The following NRG2 variants were observed in gnomAD, a reference collection of about 807,000 sequenced individuals.
NRG2 encodes the protein neuregulin 2, also known as pro-neuregulin-2, membrane-bound isoform.
In NRG2, 27 loss-of-function variants were observed where a neutral mutation model predicts 73.9. The ratio of observed to expected loss-of-function variants is 0.37; its 90% CI spans 0.27 to 0.50. The LOEUF is 0.50. NRG2 is among the 20% of genes least tolerant of loss of function. The pLI, the probability that NRG2 is intolerant of heterozygous loss-of-function variation, is 0.96. For missense variants in NRG2, 1,126 were observed against 1,210.1 expected, an observed-to-expected ratio of 0.93 and a Z score of 1.03; for synonymous variants, 532 against 541.0, an observed-to-expected ratio of 0.98 and a Z score of 0.23.
intron 1 of NRG2, among the ~76,000 whole-genome samples, chr5:139,964,403 C>T (rs1181441873): frequency 6.8e-6 from 1 of 146,502 alleles, no homozygotes; most frequent in Non-Finnish European, 1.5e-5. Context: ...GATGCCCATT[C>T]TAGAATCACA....
At chr5:139,901,146 G>A (rs534486777) in intron 1 of NRG2, among the ~76,000 whole-genome samples, 29 of 152,316 alleles carry the variant, frequency 1.9e-4, no homozygotes, top group African/African-American at 5.5e-4. Flanking sequence ...CAGCTGTACC[G>A]CTGTGCCAAT....
At chr5:139,987,216 CAA>C (rs35519606) in intron 1 of NRG2, among the ~76,000 whole-genome samples, 4 of 139,648 alleles carry the variant, frequency 2.9e-5, no homozygotes, top group Non-Finnish European at 1.6e-5. Flanking sequence ...TACTAAAATA[CAA>C]AAAAAAAAAA....
chr5:139,960,769 A>G (rs552765254), intron 1 of NRG2, among the ~76,000 whole-genome samples: 3 of 152,340 alleles, frequency 2.0e-5, no homozygotes, highest in Non-Finnish European at 4.4e-5. Context: ...TAGATGCCTA[A>G]GAACTCAGAA....
chr5:139,852,935 C>T lies in NRG2; in HGVS notation c.1385G>A (p.Arg462Gln), dbSNP rs772833873. ...CATCTGGATCTCCTCTGGGTCCAGC[C>T]GGGGGTGGCTGGGCCCATTGGCCAA... The part of the protein sequence containing the change: ...RSLANGPSHP[R>Q]LDPEEIQMAD... Residue 462 changes from arginine (R) to glutamine (Q), a missense_variant, in exon 7 of 10, where the codon CGG becomes CAG. Transcript: ENST00000361474. The surrounding 1 kb of genome is among the most constrained non-coding windows in gnomAD (Gnocchi z 4.4). 40 of 1,612,372 alleles carry T rather than the reference C, an allele frequency of 2.5e-5. No homozygotes were observed. Among genetic ancestry groups the T allele is most frequent in the Middle Eastern group, 1.6e-4 (1 of 6,074 alleles).
At chr5:139,934,456 A>T (rs149548138) in intron 1 of NRG2, among the ~76,000 whole-genome samples, 1 of 152,306 alleles carries the variant, frequency 6.6e-6, no homozygotes, top group Non-Finnish European at 1.5e-5. Flanking sequence ...TTGAACATGT[A>T]TGCCATAGGT....
intron 1 of NRG2, among the ~76,000 whole-genome samples, chr5:139,922,770 T>C (rs989790192): frequency 6.6e-6 from 1 of 152,006 alleles, no homozygotes; most frequent in South Asian, 2.1e-4. Context: ...TATTCAGCAT[T>C]AAAAAAGAAA....
chr5:139,919,837 C>A (rs1219767172), intron 1 of NRG2, among the ~76,000 whole-genome samples: 2 of 152,138 alleles, frequency 1.3e-5, no homozygotes, highest in Non-Finnish European at 2.9e-5. Context: ...AAATAAAACA[C>A]AGCAATTGGA....
chr5:139,978,575 C>A (rs1756548484), intron 1 of NRG2, among the ~76,000 whole-genome samples: 1 of 152,178 alleles, frequency 6.6e-6, no homozygotes, highest in Non-Finnish European at 1.5e-5. Context: ...TACCATTTGA[C>A]CCCGCCATCC....
chr5:139,902,419 T>C (rs1172421156), intron 1 of NRG2, among the ~76,000 whole-genome samples: 1 of 152,100 alleles, frequency 6.6e-6, no homozygotes, highest in Non-Finnish European at 1.5e-5. Context: ...TGTTGGAGGG[T>C]GCTGAGTGTG....
chr5:139,856,855 T>A lies in NRG2; in HGVS notation c.1190-1077A>T, dbSNP rs1241558143. 1.3e-5 allele frequency among the ~76,000 whole-genome samples: 2 copies of A among 152,052 alleles called. No homozygotes were observed. Among genetic ancestry groups the A allele is most frequent in the Non-Finnish European group, 2.9e-5 (2 of 67,988 alleles). On this transcript the variant is annotated intron_variant, in intron 5 of 9. Coordinates refer to ENST00000361474, the MANE Select transcript of NRG2 (RefSeq NM_004883.3). This position sits in a 1 kb window ranked among gnomAD's most constrained non-coding sequence, Gnocchi z 4.2. The stretch of plus-strand genomic sequence containing the variant: ...GTTAACCACACACTCCAGCAACAGG[T>A]GCACACACACGCCCATGCCCACTGA...
At chr5:139,881,684 A>G (rs1001094429) in intron 2 of NRG2, among the ~76,000 whole-genome samples, 43 of 152,208 alleles carry the variant, frequency 2.8e-4, no homozygotes, top group African/African-American at 1.0e-3. Context: ...TCCTAGAGGG[A>G]CTTCCTGACT....
intron 1 of NRG2, among the ~76,000 whole-genome samples, chr5:140,041,705 TAAGAG>T (rs955661902): frequency 2.7e-5 from 4 of 148,962 alleles, no homozygotes; most frequent in Admixed American, 6.7e-5. Flanking sequence ...TTGCTAGTCT[TAAGAG>T]AAGGATGTGC....
chr5:139,956,143 C>G (rs1422901333), intron 1 of NRG2, among the ~76,000 whole-genome samples: 1 of 152,046 alleles, frequency 6.6e-6, no homozygotes, highest in African/African-American at 2.4e-5. Context: ...TCAGCAACTC[C>G]CCCACCCCAT....
intron 1 of NRG2, among the ~76,000 whole-genome samples, chr5:139,914,423 C>A (rs564361442): frequency 6.6e-6 from 1 of 152,114 alleles, no homozygotes; most frequent in African/African-American, 2.4e-5. Flanking sequence ...TTAAGGCCAC[C>A]CCAGGCGTGG....
chr5:140,038,647 T>C (rs1049947135), intron 1 of NRG2, among the ~76,000 whole-genome samples: 4 of 152,214 alleles, frequency 2.6e-5, no homozygotes, highest in Non-Finnish European at 4.4e-5. Context: ...ATGACACTGA[T>C]GGAGAGTCCT....
At chr5:140,021,469 A>C (rs1251579751) in intron 1 of NRG2, among the ~76,000 whole-genome samples, 2 of 152,224 alleles carry the variant, frequency 1.3e-5, no homozygotes, top group Non-Finnish European at 1.5e-5. Context: ...TGGGTATGGA[A>C]CACTGGAATG....
At chr5:139,914,337 C>T (rs991417006) in intron 1 of NRG2, among the ~76,000 whole-genome samples, 2 of 152,082 alleles carry the variant, frequency 1.3e-5, no homozygotes, top group African/African-American at 4.8e-5. Flanking sequence ...GTGCTCCAAA[C>T]CCCACACCTG....
chr5:139,938,883 GGAAAGAAAGAAAGAAAGAAAGAAAA>G (rs1467404092), intron 1 of NRG2, among the ~76,000 whole-genome samples: 46 of 48,206 alleles, frequency 9.5e-4, no homozygotes, highest in Middle Eastern at 0.013. Flanking sequence ...AGAGAGAGAA[GGAAAGAAAGAAAGAAAGAAAGAAAA>G]GAAAGAAAGA....
At chr5:139,903,192 T>G (rs1360610508) in intron 1 of NRG2, among the ~76,000 whole-genome samples, 1 of 152,168 alleles carries the variant, frequency 6.6e-6, no homozygotes, top group Admixed American at 6.5e-5. Flanking sequence ...TGGTGGGCAC[T>G]CCAGTGAGGG....
Sources: allele counts gnomAD v4.1 joint callset (sites outside exome capture counted in the v4.1 genomes callset), GRCh38; gene constraint gnomAD v4.1.1; non-coding constraint Gnocchi (gnomAD v3.1); transcripts MANE v1.5; gene names NCBI Gene and HGNC (gene_info 2026-07-23, HGNC 2026-07-21).